The following SNX25 variants were observed in gnomAD, a reference collection of about 807,000 sequenced individuals.
SNX25 encodes sorting nexin 25.
In SNX25, 62 loss-of-function variants were observed where a neutral mutation model predicts 113.7. The observed-to-expected ratio is 0.55, with a 90% CI of 0.44 to 0.67. The LOEUF is 0.67. Ranked by LOEUF, SNX25 falls within the 30% of genes least tolerant of loss-of-function variation. The probability of loss-of-function intolerance (pLI) is 0.00; values close to 1 mark genes in which losing one functional copy is unlikely to be tolerated. For synonymous variants in SNX25, 421 were observed against 436.2 expected (o/e 0.97, Z 0.43); for missense variants, 1,014 against 1,161.0 (o/e 0.87, Z 1.84).
intron 5 of SNX25, among the ~76,000 whole-genome samples, chr4:185,276,660 A>T (rs1451263296): frequency 6.6e-6 from 1 of 152,154 alleles, no homozygotes; most frequent in African/African-American, 2.4e-5. Context: ...ACATAGTGAG[A>T]CCTTGTCTCT....
the SNX25 span, chr4:185,376,761 A>G: frequency 1.6e-6 from 1 of 606,108 alleles, no homozygotes; most frequent in Non-Finnish European, 2.9e-6. Context: ...GCAGCACTGT[A>G]TCCTACTGTT....
chr4:185,229,100 CG>C (rs1442851754), intron 1 of SNX25, among the ~76,000 whole-genome samples: 2 of 152,040 alleles, frequency 1.3e-5, no homozygotes, highest in African/African-American at 4.8e-5. Flanking sequence ...TAGCAACGCC[CG>C]CGGTGTGGTT....
intron 16 of SNX25, among the ~76,000 whole-genome samples, chr4:185,361,492 C>T (rs2095363593): frequency 6.6e-6 from 1 of 152,156 alleles, no homozygotes; most frequent in African/African-American, 2.4e-5. Flanking sequence ...AATCCCAGCA[C>T]CTTGGGAGGC....
rs116052273 is a variant in SNX25 at position 185,222,524 on chromosome 4, G to A, written c.429+12269G>A. Among the ~76,000 whole-genome samples the A allele has an allele frequency of 8.9e-3, 1,347 of 152,074 alleles. 17 individuals are homozygous for A. The highest frequency in any genetic ancestry group is 0.03 in the African/African-American group (1,249 of 41,474). ...CGCCGTATACCCCTCCCTCGCGGTA[G>A]GTATACAGCGCCCTATATCCCCTTC... On this transcript the variant is annotated intron_variant, in intron 1 of 18. Coordinates refer to ENST00000652585, the MANE Select transcript of SNX25 (RefSeq NM_001378034.2).
At chr4:185,314,735 A>G (rs113204110) in intron 7 of SNX25, among the ~76,000 whole-genome samples, 2,729 of 151,294 alleles carry the variant, frequency 0.018, 78 homozygotes, top group African/African-American at 0.063. Flanking sequence ...GTGGGCACCT[A>G]TAATCCCAGG....
chr4:185,320,726 T>TTTA lies in SNX25; in HGVS notation c.1345-6_1345-5insTAT, dbSNP rs762729653. On this transcript the variant is annotated splice_region_variant and splice_polypyrimidine_tract_variant and intron_variant, in intron 7 of 18. Coordinates refer to ENST00000652585, the MANE Select transcript of SNX25 (RefSeq NM_001378034.2). The stretch of plus-strand genomic sequence containing the variant: ...TTAAAAAAAGTTTTCTTAAATTCTC[T>TTTA]TAATAGATTCTTCAGTTTGAAGATA... 49 of 1,497,592 alleles carry TTTA rather than the reference T, an allele frequency of 3.3e-5. No individual in the cohort carries two copies. The highest frequency in any genetic ancestry group is 4.3e-5 in the Non-Finnish European group (48 of 1,122,694). The allele number at this position is 1,497,592 out of a possible 1,614,324, so 92.8% of individuals were successfully genotyped here.
rs1553980506 is a variant in SNX25, at chr4:185,212,463, ATGTG to A, written c.429+2234_429+2237del. 3.7e-3 allele frequency among the ~76,000 whole-genome samples: 442 copies of A among 119,390 alleles called. 4 individuals carry two copies. Among genetic ancestry groups the A allele is most frequent in the African/African-American group, 7.8e-3 (239 of 30,822 alleles). 78.3% of individuals were successfully genotyped at this position (119,390 alleles called of 152,430 possible). A position where few individuals can be genotyped will look rare whatever the true frequency, so the allele number is the denominator to read the frequency against. ...TGCTGTATTTCCAATAATTTGTGTG[ATGTG>A]TGTGTGTGTGTGTGTGTGTGTGTGT... On this transcript the variant is annotated intron_variant, in intron 1 of 18. Coordinates refer to ENST00000652585, the MANE Select transcript of SNX25 (RefSeq NM_001378034.2).
intron 5 of SNX25, among the ~76,000 whole-genome samples, chr4:185,279,381 T>C (rs1750240911): frequency 6.6e-6 from 1 of 152,126 alleles, no homozygotes; most frequent in Non-Finnish European, 1.5e-5. Context: ...GTGCTATGAA[T>C]AGAAAAAGAC....
chr4:185,362,029 G>A lies in SNX25; in HGVS notation c.2757G>A (p.Pro919=), dbSNP rs757881634. The A allele has an allele frequency of 7.4e-6, 12 of 1,613,814 alleles. No homozygotes were observed. Among genetic ancestry groups the A allele is most frequent in the East Asian group, 6.7e-5 (3 of 44,882 alleles). ...AFWPNGKLAP[P]TTIRSKEQSQ... ...GGCCAAATGGGAAGTTGGCACCACC[G>A]ACCACAATCAGAAGCAAAGAGCAAA... Residue 919 remains proline (P), a synonymous_variant, in exon 17 of 19, where the codon CCG becomes CCA. Coordinates refer to ENST00000652585, the MANE Select transcript of SNX25 (RefSeq NM_001378034.2).
rs188225161 is a variant in SNX25 at position 185,268,364 on chromosome 4, G to A, written c.1091+1209G>A. On this transcript the variant is annotated intron_variant, in intron 5 of 18. Coordinates refer to ENST00000652585, the MANE Select transcript of SNX25 (RefSeq NM_001378034.2). ...CCATAGGAGTATCTTTTATAGGGGA[G>A]CACAGTGTCCCTTGTTATACCTGAG... is the stretch of plus-strand genomic sequence containing the variant. Among the ~76,000 whole-genome samples, 199 of 152,258 alleles carry A rather than the reference G, an allele frequency of 1.3e-3. 1 individual carries two copies. Among genetic ancestry groups the A allele is most frequent in the Middle Eastern group, 6.8e-3 (2 of 294 alleles).
chr4:185,318,099 G>A (rs905626958), intron 7 of SNX25, among the ~76,000 whole-genome samples: 2 of 152,152 alleles, frequency 1.3e-5, no homozygotes, highest in Non-Finnish European at 2.9e-5. Context: ...TTAAGCAGGG[G>A]CTCATTGTTG....
In SNX25 at chr4:185,362,079, A is replaced by T. The variant is rs1212730775; in HGVS notation, c.2807A>T (p.Gln936Leu). Residue 936 changes from glutamine (Q) to leucine (L), a missense_variant, in exon 17 of 19, where the codon CAG becomes CTG. Coordinates refer to ENST00000652585, the MANE Select transcript of SNX25 (RefSeq NM_001378034.2). ...AGTCAGGAAACAAAACAGAGAGCAC[A>T]GCAAAAGCTGCTTGAAAACATTCCA... ...EQSQETKQRA[Q>L]QKLLENIPDM... The T allele has an allele frequency of 3.1e-6, 5 of 1,613,682 alleles. No individual in the cohort carries two copies. The highest frequency in any genetic ancestry group is 3.4e-6 in the Non-Finnish European group (4 of 1,179,768).
downstream of SNX25, among the ~76,000 whole-genome samples, chr4:185,368,181 A>G (rs964085262): frequency 3.9e-5 from 6 of 152,202 alleles, no homozygotes; most frequent in Non-Finnish European, 8.8e-5. Context: ...CCGTCTCAAA[A>G]AAAAGAAAAC....
intron 10 of SNX25, among the ~76,000 whole-genome samples, chr4:185,338,787 T>G (rs1364950610): frequency 6.6e-6 from 1 of 152,186 alleles, no homozygotes; most frequent in African/African-American, 2.4e-5. Flanking sequence ...GAAAATCACT[T>G]TACCATATAT....
chr4:185,368,057 G>A (rs2095396844), downstream of SNX25, among the ~76,000 whole-genome samples: 1 of 152,026 alleles, frequency 6.6e-6, no homozygotes, highest in South Asian at 2.1e-4. Flanking sequence ...GGGCGCCTGT[G>A]GTGCCAGCTA....
intron 12 of SNX25, among the ~76,000 whole-genome samples, chr4:185,345,572 A>G (rs933571519): frequency 3.3e-5 from 5 of 152,126 alleles, no homozygotes; most frequent in Admixed American, 2.6e-4. Context: ...AGGCAGGAGG[A>G]TCGCTTGTAT....
intron 1 of SNX25, among the ~76,000 whole-genome samples, chr4:185,230,301 TTAATC>T (rs1741645485): frequency 6.6e-6 from 1 of 152,230 alleles, no homozygotes; most frequent in African/African-American, 2.4e-5. Context: ...ATCATTTTAG[TTAATC>T]TAAAGTCCAA....
At position 185,363,627 on chromosome 4, in the gene SNX25, T is replaced by C; in HGVS notation, c.*162T>C. 1.8e-6 allele frequency: 1 copy of C among 567,450 alleles called. No individual in the cohort carries two copies. The highest frequency in any genetic ancestry group is 1.9e-5 in the African/African-American group (1 of 53,744). The allele number at this position is 567,450 out of a possible 1,614,324, so 35.2% of individuals were successfully genotyped here. On this transcript the variant is annotated 3_prime_UTR_variant, in exon 19 of 19. Transcript: ENST00000652585. This position sits in a 1 kb window ranked among gnomAD's most constrained non-coding sequence, Gnocchi z 4.2. ...TAGTAGAATCAGGGAGGACGGGACT[T>C]ATGCTGTGGTAGGCAACAGAAAAAA...
chr4:185,209,909 G>A lies in SNX25; in HGVS notation c.83G>A (p.Gly28Asp). Reference protein sequence around the residue: ...AAGAGGRPVSGFRGERRPESP... With the variant: ...AAGAGGRPVSDFRGERRPESP... ...GGCGCCGGCGGCCGTCCTGTCTCGG[G>A]CTTCAGGGGCGAGCGGCGGCCGGAG... The change falls in exon 1 of 19, where the codon GGC becomes GAC. Residue 28 changes from glycine to aspartate, a missense_variant. Transcript: ENST00000652585. The surrounding 1 kb of genome is among the most constrained non-coding windows in gnomAD (Gnocchi z 5.2). 1 of 983,314 alleles carries A rather than the reference G, an allele frequency of 1.0e-6. No individual in the cohort carries two copies. The highest frequency in any genetic ancestry group is 1.2e-6 in the Non-Finnish European group (1 of 829,184). 60.9% of individuals were successfully genotyped at this position (983,314 alleles called of 1,614,324 possible). A position where few individuals can be genotyped will look rare whatever the true frequency, so the allele number is the denominator to read the frequency against.
Sources: allele counts gnomAD v4.1 joint callset (sites outside exome capture counted in the v4.1 genomes callset), GRCh38; gene constraint gnomAD v4.1.1; non-coding constraint Gnocchi (gnomAD v3.1); transcripts MANE v1.5; gene names NCBI Gene and HGNC (gene_info 2026-07-23, HGNC 2026-07-21).